CLYBL: variants seen among roughly 807,000 people sequenced by gnomAD.
The protein encoded by CLYBL is citramalyl-CoA lyase, also known as citramalyl-CoA lyase, mitochondrial.
CLYBL carries 31 observed loss-of-function variants against 38.9 expected under a neutral mutation model. That is an observed-to-expected ratio of 0.80 (90% CI 0.60 to 1.08). CLYBL has a LOEUF of 1.08. Among genes scored for constraint, CLYBL ranks in the 50% least tolerant of loss-of-function variants. CLYBL has a pLI of 0.00. For synonymous variants in CLYBL, 171 were observed against 158.6 expected, an observed-to-expected ratio of 1.08 and a Z score of -0.59; for missense variants, 434 against 411.6, an observed-to-expected ratio of 1.05 and a Z score of -0.47.
At chr13:99,774,630 T>G (rs937015829) in intron 2 of CLYBL, among the ~76,000 whole-genome samples, 1 of 152,220 alleles carries the variant, frequency 6.6e-6, no homozygotes, top group Non-Finnish European at 1.5e-5. Context: ...TTGCTTTTTC[T>G]GGAGTTTCTA....
intron 1 of CLYBL, among the ~76,000 whole-genome samples, chr13:99,656,755 A>G (rs1029224901): frequency 8.5e-5 from 13 of 152,190 alleles, no homozygotes; most frequent in African/African-American, 3.1e-4. Flanking sequence ...TGGGTTGGTA[A>G]ATTGTAAGAT....
At position 99,869,476 on chromosome 13, in the gene CLYBL, T is replaced by C. The variant is rs2051830559; in HGVS notation, c.803-1462T>C. Among the ~76,000 whole-genome samples, 1 of 152,172 alleles carries C rather than the reference T, an allele frequency of 6.6e-6. No homozygotes were observed. Among genetic ancestry groups the C allele is most frequent in the Non-Finnish European group, 1.5e-5 (1 of 67,996 alleles). On this transcript the variant is annotated intron_variant, in intron 6 of 8. Transcript: ENST00000339105. This position sits in a 1 kb window ranked among gnomAD's most constrained non-coding sequence, Gnocchi z 4.3. ...CCGAAAAAAGCCCTCTTGTCATCCC[T>C]CATGTTATTCGTTCCCAGAAATTAT...
rs764212065 is a variant in CLYBL, at chr13:99,717,970, TTC to T, written c.63-54850_63-54849del. Among the ~76,000 whole-genome samples the T allele has an allele frequency of 1.1e-4, 17 of 152,286 alleles. No individual in the cohort carries two copies. The South Asian group carries it at 2.7e-3, about 24-fold the overall frequency. ...ATATTTATCTGGAATATAGTTCACATTCTCTGTTTTTAAGTTTATTGCCATAA... is the reference window on the plus strand; with the variant it reads ...ATATTTATCTGGAATATAGTTCACATTCTGTTTTTAAGTTTATTGCCATAA... On this transcript the variant is annotated intron_variant, in intron 1 of 8. Coordinates refer to ENST00000339105, the MANE Select transcript of CLYBL (RefSeq NM_206808.5).
intron 1 of CLYBL, among the ~76,000 whole-genome samples, chr13:99,750,682 A>G (rs2048939066): frequency 6.6e-6 from 1 of 151,550 alleles, no homozygotes; most frequent in African/African-American, 2.4e-5. Context: ...TCAAAAAAAA[A>G]AAAAAGAAAG....
At chr13:99,810,328 G>A (rs1311662522) in intron 2 of CLYBL, among the ~76,000 whole-genome samples, 5 of 152,224 alleles carry the variant, frequency 3.3e-5, no homozygotes, top group African/African-American at 9.6e-5. Context: ...GGACTCCAGG[G>A]TGGAGAGAGG....
At chr13:99,809,965 A>G (rs181011504) in intron 2 of CLYBL, among the ~76,000 whole-genome samples, 1 of 152,346 alleles carries the variant, frequency 6.6e-6, no homozygotes, top group African/African-American at 2.4e-5. Context: ...ACGCTCAAGA[A>G]TAACCTATGC....
chr13:99,728,566 A>G (rs988147928), intron 1 of CLYBL, among the ~76,000 whole-genome samples: 17 of 147,536 alleles, frequency 1.2e-4, no homozygotes, highest in Non-Finnish European at 2.4e-4. Flanking sequence ...GTATGAGCCA[A>G]CTTCTTTTTT....
intron 6 of CLYBL, 98 bp from the exon 7 acceptor site, chr13:99,870,840 C>T (rs117119454): frequency 0.01 from 12,255 of 1,201,758 alleles, 208 homozygotes; most frequent in East Asian, 0.056. Context: ...ATTTAACATA[C>T]AGTCTATGAG....
At chr13:99,826,586 A>G (rs577390928) in intron 2 of CLYBL, among the ~76,000 whole-genome samples, 72 of 152,354 alleles carry the variant, frequency 4.7e-4, no homozygotes, top group African/African-American at 1.7e-3. Context: ...AGGAAAACCA[A>G]CTGTGTTACT....
intron 1 of CLYBL, among the ~76,000 whole-genome samples, chr13:99,722,653 C>T (rs1264034665): frequency 1.3e-5 from 2 of 152,192 alleles, no homozygotes; most frequent in Non-Finnish European, 2.9e-5. Flanking sequence ...TCCTACCTCT[C>T]CAGGAGCACT....
intron 1 of CLYBL, among the ~76,000 whole-genome samples, chr13:99,752,700 C>T (rs1031693056): frequency 1.6e-4 from 25 of 152,150 alleles, no homozygotes; most frequent in South Asian, 6.2e-4. Flanking sequence ...TTTCCTTCAC[C>T]GGCTCCCACC....
chr13:99,707,470 C>T (rs1042761463), intron 1 of CLYBL, among the ~76,000 whole-genome samples: 7 of 152,084 alleles, frequency 4.6e-5, no homozygotes, highest in Non-Finnish European at 8.8e-5. Flanking sequence ...GACGGGATTT[C>T]ACCGTGTTGG....
Position 99,828,920 on chromosome 13 carries a change from G to A in CLYBL, c.250-29941G>A, listed in dbSNP as rs540319449. ...CTGAATTAGAGATTGGCTGGCAGAA[G>A]CAGTGTGCAGACCCTAGATTGGCAG... On this transcript the variant is annotated intron_variant, in intron 2 of 8. Transcript: ENST00000339105. 2.0e-5 allele frequency among the ~76,000 whole-genome samples: 3 copies of A among 152,298 alleles called. No homozygotes were observed. In the South Asian group the frequency reaches 6.2e-4, roughly 32 times the overall value.
chr13:99,740,933 G>A (rs1338765430), intron 1 of CLYBL, among the ~76,000 whole-genome samples: 1 of 152,188 alleles, frequency 6.6e-6, no homozygotes, highest in Non-Finnish European at 1.5e-5. Context: ...GGATGGTGCA[G>A]GGACCTGGGT....
chr13:99,611,768 G>A (rs2046630362), intron 1 of CLYBL, among the ~76,000 whole-genome samples: 1 of 152,174 alleles, frequency 6.6e-6, no homozygotes, highest in Non-Finnish European at 1.5e-5. Context: ...TACAAATTTA[G>A]TTTCTTTAAT....
intron 1 of CLYBL, among the ~76,000 whole-genome samples, chr13:99,707,587 G>A (rs1317569198): frequency 6.6e-6 from 1 of 152,006 alleles, no homozygotes; most frequent in Non-Finnish European, 1.5e-5. Context: ...TAATGATTTC[G>A]AATGAACATT....
chr13:99,847,698 T>A (rs2051238970), intron 2 of CLYBL, among the ~76,000 whole-genome samples: 1 of 152,034 alleles, frequency 6.6e-6, no homozygotes, highest in African/African-American at 2.4e-5. Context: ...AAGACAACAT[T>A]GAGTAGCTTT....
At chr13:99,816,893 C>T (rs1026949897) in intron 2 of CLYBL, among the ~76,000 whole-genome samples, 3 of 152,192 alleles carry the variant, frequency 2.0e-5, no homozygotes, top group Non-Finnish European at 2.9e-5. Context: ...TGCCTTCAGG[C>T]TGGGGCTTCA....
chr13:99,879,732 G>C (rs1411824500), intron 7 of CLYBL, among the ~76,000 whole-genome samples: 2 of 152,066 alleles, frequency 1.3e-5, no homozygotes, highest in African/African-American at 4.8e-5. Context: ...AACTCTTGCA[G>C]GTCTTAAAAC....
Sources: allele counts gnomAD v4.1 joint callset (sites outside exome capture counted in the v4.1 genomes callset), GRCh38; gene constraint gnomAD v4.1.1; non-coding constraint Gnocchi (gnomAD v3.1); transcripts MANE v1.5; gene names NCBI Gene and HGNC (gene_info 2026-07-23, HGNC 2026-07-21).